Variants in PKHD1 observed in about 807,000 individuals in gnomAD.
The protein encoded by PKHD1 is PKHD1 ciliary IPT domain containing fibrocystin/polyductin.
Under a neutral mutation model 412.0 loss-of-function variants are expected in PKHD1, and 291 were observed. The ratio of observed to expected loss-of-function variants is 0.71; its 90% CI spans 0.64 to 0.78. The LOEUF (loss-of-function observed/expected upper bound fraction) is 0.78. Among genes scored for constraint, PKHD1 ranks in the 30% least tolerant of loss-of-function variants. The pLI, the probability that PKHD1 is intolerant of heterozygous loss-of-function variation, is 0.00. For missense variants in PKHD1, 4,825 were observed against 4,950.7 expected, an observed-to-expected ratio of 0.97 and a Z score of 0.76; for synonymous variants, 1,777 against 1,821.5, an observed-to-expected ratio of 0.98 and a Z score of 0.62.
chr6:51,697,242 G>A (rs1778911840), intron 60 of PKHD1, among the ~76,000 whole-genome samples: 2 of 152,154 alleles, frequency 1.3e-5, no homozygotes, highest in African/African-American at 4.8e-5. Flanking sequence ...CTTAATGAGT[G>A]CTTTGGATGT....
At chr6:51,769,668 G>C (rs1313793249) in intron 55 of PKHD1, among the ~76,000 whole-genome samples, 1 of 150,636 alleles carries the variant, frequency 6.6e-6, no homozygotes, top group Non-Finnish European at 1.5e-5. Flanking sequence ...GGGTTATTTT[G>C]TTTCTAATTT....
chr6:51,668,094 T>C (rs1483957164), intron 60 of PKHD1, among the ~76,000 whole-genome samples: 2 of 152,184 alleles, frequency 1.3e-5, no homozygotes, highest in African/African-American at 4.8e-5. Context: ...AAGTCATTGG[T>C]AGCTTGATGA....
At chr6:51,829,209 G>A (rs369004310) in intron 52 of PKHD1, among the ~76,000 whole-genome samples, 8 of 151,996 alleles carry the variant, frequency 5.3e-5, no homozygotes, top group Non-Finnish European at 8.8e-5. Context: ...GCAGCTTCAC[G>A]GAGAATTCAG....
chr6:51,800,354 C>G (rs1172148816), intron 52 of PKHD1, among the ~76,000 whole-genome samples: 3 of 151,904 alleles, frequency 2.0e-5, no homozygotes, highest in Non-Finnish European at 4.4e-5. Flanking sequence ...AAGGAGAAAC[C>G]CCTGAATTTA....
At chr6:51,766,718 C>CT (rs147457285) in intron 55 of PKHD1, among the ~76,000 whole-genome samples, 27,741 of 150,878 alleles carry the variant, frequency 0.18, 3,345 homozygotes, top group African/African-American at 0.34. Context: ...TATTATTATA[C>CT]TTTAAGTTTT....
In PKHD1 at chr6:52,065,014, T is replaced by C. The variant is rs1200237330; in HGVS notation, c.917A>G (p.Lys306Arg). Reference protein sequence around the residue: ...PCDIRHVSPRKIECTTRAPGK... With the variant: ...PCDIRHVSPRRIECTTRAPGK... The stretch of plus-strand genomic sequence containing the variant: ...TGGAGCCCGAGTGGTGCACTCAATC[T>C]TCCTGGGAGACACGTGTCTAATATC... Residue 306 changes from lysine to arginine, a missense_variant, in exon 13 of 67, where the codon AAG becomes AGG. By Grantham distance (26) the Lys-to-Arg change is conservative. Transcript: ENST00000371117. 9 of 1,601,562 alleles carry C rather than the reference T, an allele frequency of 5.6e-6. No individual in the cohort carries two copies. The highest frequency in any genetic ancestry group is 6.0e-6 in the Non-Finnish European group (7 of 1,174,754).
At chr6:51,642,642 C>T (rs1275251824) in intron 63 of PKHD1, among the ~76,000 whole-genome samples, 4 of 152,062 alleles carry the variant, frequency 2.6e-5, no homozygotes, top group Non-Finnish European at 5.9e-5. Flanking sequence ...GATTTCGAGA[C>T]CAGCTTGGCC....
chr6:52,050,011 G>A (rs1806526594), intron 22 of PKHD1, 146 bp downstream of exon 22: 1 of 773,232 alleles, frequency 1.3e-6, no homozygotes, highest in Non-Finnish European at 2.3e-6. Context: ...ACTTCCAGGT[G>A]AATCTGGTGC....
rs142319002 is a variant in PKHD1 at position 51,694,639 on chromosome 6, C to T, written c.10157-34670G>A. Among the ~76,000 whole-genome samples the T allele has an allele frequency of 4.4e-3, 653 of 148,164 alleles. 5 individuals are homozygous for T. The highest frequency in any genetic ancestry group is 0.015 in the African/African-American group (608 of 40,440). The stretch of plus-strand genomic sequence containing the variant: ...TGAACTCCTGACCTCAAGTGATCCA[C>T]CTGCCTCAGCCTCCCAAAGTGCTAG... On this transcript the variant is annotated intron_variant, in intron 60 of 66. Coordinates refer to ENST00000371117, the MANE Select transcript of PKHD1 (RefSeq NM_138694.4).
chr6:51,744,692 T>A (rs930951726), intron 59 of PKHD1, 150 bp from the exon 60 acceptor site: 16 of 654,104 alleles, frequency 2.4e-5, no homozygotes, highest in Non-Finnish European at 4.2e-5. Context: ...AAACTCTTTA[T>A]GAAATAATTT....
At chr6:51,869,402 G>A (rs1170636009) in intron 47 of PKHD1, among the ~76,000 whole-genome samples, 7 of 151,922 alleles carry the variant, frequency 4.6e-5, no homozygotes, top group Non-Finnish European at 8.8e-5. Flanking sequence ...CTCTATTACT[G>A]CGTTCATCAT....
chr6:51,753,685 G>C (rs1209153942), intron 56 of PKHD1, among the ~76,000 whole-genome samples: 1 of 152,168 alleles, frequency 6.6e-6, no homozygotes, highest in Non-Finnish European at 1.5e-5. Context: ...GCCTTAAATA[G>C]GTCAGCGTGA....
intron 52 of PKHD1, among the ~76,000 whole-genome samples, chr6:51,809,703 G>C (rs923438854): frequency 6.6e-6 from 1 of 151,758 alleles, no homozygotes; most frequent in African/African-American, 2.4e-5. Context: ...CATGACATAT[G>C]AATTTTTTGT....
Position 51,638,926 on chromosome 6 carries a change from T to A in PKHD1, c.11429A>T (p.Tyr3810Phe). The change falls in exon 64 of 67, where the codon TAT (tyrosine) becomes TTT (phenylalanine). Residue 3810 changes from tyrosine to phenylalanine, a missense_variant. Physicochemically the swap from Tyr to Phe is conservative, Grantham distance 22. Coordinates refer to ENST00000371117, the MANE Select transcript of PKHD1 (RefSeq NM_138694.4). ...GACTGCCAAGTTGTAGAAGCTAACA[T>A]AACCATCTTGAGTTTCTGCCTGGGT... ...GCTQAETQDG[Y>F]VSFYNLAVLI... 6.2e-7 allele frequency: 1 copy of A among 1,613,592 alleles called. No individual in the cohort carries two copies. The highest frequency in any genetic ancestry group is 8.5e-7 in the Non-Finnish European group (1 of 1,179,644).
At position 51,780,153 on chromosome 6, in the gene PKHD1, C is replaced by T. The variant is rs148557727; in HGVS notation, c.8441-4232G>A. On this transcript the variant is annotated intron_variant, in intron 53 of 66. Coordinates refer to ENST00000371117, the MANE Select transcript of PKHD1 (RefSeq NM_138694.4). ...CTGTAATCCCAGCACTCTGGGAGGC[C>T]GAGGCAGGCAGATCACAAGGTCAAG... Among the ~76,000 whole-genome samples, 125 of 152,010 alleles carry T rather than the reference C, an allele frequency of 8.2e-4. 1 individual carries two copies. The highest frequency in any genetic ancestry group is 2.5e-3 in the East Asian group (13 of 5,168).
chr6:51,993,565 G>A (rs1002981112), intron 35 of PKHD1, among the ~76,000 whole-genome samples: 3 of 152,210 alleles, frequency 2.0e-5, no homozygotes, highest in African/African-American at 7.2e-5. Flanking sequence ...CTAGTTAATA[G>A]AGTAAGTTAG....
chr6:51,807,450 AAAAAAAAAAT>A (rs1243712712), intron 52 of PKHD1, among the ~76,000 whole-genome samples: 11,448 of 103,684 alleles, frequency 0.11, 1,270 homozygotes, highest in Admixed American at 0.28. Context: ...AAAAAAAAAA[AAAAAAAAAAT>A]ATATATATAT....
At chr6:51,976,424 A>G (rs950385831) in intron 35 of PKHD1, among the ~76,000 whole-genome samples, 1 of 152,244 alleles carries the variant, frequency 6.6e-6, no homozygotes, top group African/African-American at 2.4e-5. Context: ...TTCCACTTGT[A>G]TAAAGTGCCT....
In PKHD1 at chr6:51,960,357, T is replaced by A. The variant is rs113662719; in HGVS notation, c.5752-331A>T. 6.0e-3 allele frequency among the ~76,000 whole-genome samples: 908 copies of A among 152,222 alleles called. 10 individuals are homozygous for A. The highest frequency in any genetic ancestry group is 0.021 in the African/African-American group (871 of 41,552). On this transcript the variant is annotated intron_variant, in intron 35 of 66. Coordinates refer to ENST00000371117, the MANE Select transcript of PKHD1 (RefSeq NM_138694.4). Reference sequence around the variant, plus strand: ...TGCTGGTAATGTTTTCTTGCCTTTTTTTTCCCCTCTAGCACAGGCCCCATT... The same window carrying A: ...TGCTGGTAATGTTTTCTTGCCTTTTATTTCCCCTCTAGCACAGGCCCCATT...
Sources: gnomAD v4.1 joint callset for allele counts (sites outside exome capture counted in the v4.1 genomes callset) on GRCh38, gnomAD v4.1.1 for gene constraint, MANE v1.5 for transcripts, NCBI Gene and HGNC (gene_info 2026-07-23, HGNC 2026-07-21) for gene names.